Variants in DRC1 observed in about 807,000 individuals in gnomAD.
The protein encoded by DRC1 is dynein regulatory complex subunit 1, also known as dynein regulatory complex protein 1.
A neutral mutation model predicts 98.7 loss-of-function variants in DRC1; 74 were observed. That is an observed-to-expected ratio of 0.75 (90% CI 0.62 to 0.91). The LOEUF is 0.91. DRC1 is among the 40% of genes least tolerant of loss of function. DRC1 has a pLI of 0.00. For synonymous variants in DRC1, 336 were observed against 334.1 expected, an observed-to-expected ratio of 1.01 and a Z score of -0.06; for missense variants, 875 against 886.0, an observed-to-expected ratio of 0.99 and a Z score of 0.16.
rs933026039 is a variant in DRC1, at chr2:26,453,502, T to G, written c.1872T>G (p.Asp624Glu). The change falls in exon 14 of 17, where the codon GAT (aspartate) becomes GAG (glutamate). Residue 624 changes from aspartate to glutamate, a missense_variant. By Grantham distance (45) the Asp-to-Glu change is conservative (BLOSUM62 2). Coordinates refer to ENST00000288710, the MANE Select transcript of DRC1 (RefSeq NM_145038.5). ...PPSPWVIHPN[D>E]VLKILEAFVM... The stretch of plus-strand genomic sequence containing the variant: ...CCCCCTGGGTCATCCACCCCAATGA[T>G]GTCCTCAAGATTCTGGAGGCCTTCG... 6.2e-7 allele frequency: 1 copy of G among 1,614,062 alleles called. No individual in the cohort carries two copies. Among genetic ancestry groups the G allele is most frequent in the Non-Finnish European group, 8.5e-7 (1 of 1,180,042 alleles).
At chr2:26,455,437 T>C (rs1325181270) in intron 16 of DRC1, among the ~76,000 whole-genome samples, 1 of 152,182 alleles carries the variant, frequency 6.6e-6, no homozygotes, top group Non-Finnish European at 1.5e-5. Context: ...CCAGGACAGC[T>C]CAGGTGTGAC....
chr2:26,448,358 T>A (rs1663912393), intron 10 of DRC1: 1 of 519,790 alleles, frequency 1.9e-6, no homozygotes, highest in Admixed American at 2.3e-5. Context: ...GAAATAAGAA[T>A]AAATGGGCTC....
At chr2:26,446,542 A>G (rs1465205856) in intron 10 of DRC1, among the ~76,000 whole-genome samples, 2 of 152,104 alleles carry the variant, frequency 1.3e-5, no homozygotes, top group Admixed American at 1.3e-4. Context: ...ATACCTCCTC[A>G]TCAACAGGAT....
chr2:26,432,243 T>C (rs1663455107), intron 7 of DRC1, among the ~76,000 whole-genome samples: 1 of 152,140 alleles, frequency 6.6e-6, no homozygotes, highest in South Asian at 2.1e-4. Context: ...ACACTTGTAA[T>C]CCCAGCACTT....
intron 7 of DRC1, among the ~76,000 whole-genome samples, chr2:26,438,721 C>G (rs1228948531): frequency 6.6e-6 from 1 of 152,162 alleles, no homozygotes; most frequent in Non-Finnish European, 1.5e-5. Flanking sequence ...AGGGGCCCTC[C>G]TCGAGTATGA....
In DRC1 at chr2:26,453,359, A is replaced by G. The variant is rs964653441; in HGVS notation, c.1729A>G (p.Met577Val). 11 of 1,614,088 alleles carry G rather than the reference A, an allele frequency of 6.8e-6. No homozygotes were observed. The highest frequency in any genetic ancestry group is 5.3e-5 in the African/African-American group (4 of 74,936). ...TCAGGCGAGCATGGAGAAGGCGAGC[A>G]TGGAGGAGACAAGCACGAGGTCAGA... ...CSQASMEKAS[M>V]EETSTRSELE... The change falls in exon 14 of 17, where the codon ATG becomes GTG. Residue 577 changes from methionine to valine, a missense_variant. Coordinates refer to ENST00000288710, the MANE Select transcript of DRC1 (RefSeq NM_145038.5).
At chr2:26,403,477 TA>T (rs1558430402) in intron 1 of DRC1, among the ~76,000 whole-genome samples, 1 of 152,200 alleles carries the variant, frequency 6.6e-6, no homozygotes, top group Non-Finnish European at 1.5e-5. Flanking sequence ...TTTAGAATTG[TA>T]AAAATCATTT....
chr2:26,454,510 C>A lies in DRC1; in HGVS notation c.1920-137C>A. ...AATAAGCATGCGTCCTTTCTGAGAA[C>A]CTGCCACCGTCTAATAAACTTGGAC... On this transcript the variant is annotated intron_variant, in intron 14 of 16. Transcript: ENST00000288710. The surrounding 1 kb of genome is among the most constrained non-coding windows in gnomAD (Gnocchi z 5.2). 1.6e-6 allele frequency: 2 copies of A among 1,285,424 alleles called. No individual in the cohort carries two copies. Among genetic ancestry groups the A allele is most frequent in the Middle Eastern group, 2.3e-4 (1 of 4,368 alleles). 79.6% of individuals were successfully genotyped at this position (1,285,424 alleles called of 1,614,324 possible).
intron 3 of DRC1, among the ~76,000 whole-genome samples, chr2:26,423,958 A>G (rs1161938337): frequency 1.3e-5 from 2 of 152,178 alleles, no homozygotes; most frequent in African/African-American, 4.8e-5. Flanking sequence ...GTGTGTTATC[A>G]TCTTACTCAG....
At chr2:26,428,521 G>A (rs1405189427) in intron 4 of DRC1, among the ~76,000 whole-genome samples, 3 of 152,154 alleles carry the variant, frequency 2.0e-5, no homozygotes, top group East Asian at 3.8e-4. Context: ...TATTATGGCC[G>A]GGCACGGTGG....
intron 4 of DRC1, among the ~76,000 whole-genome samples, chr2:26,429,207 A>G (rs1663365640): frequency 6.8e-6 from 1 of 146,496 alleles, no homozygotes; most frequent in Admixed American, 6.9e-5. Flanking sequence ...TATTATTATT[A>G]TTATTATTAT....
intron 1 of DRC1, among the ~76,000 whole-genome samples, chr2:26,408,421 C>A (rs1446644452): frequency 1.3e-5 from 2 of 152,108 alleles, no homozygotes; most frequent in Non-Finnish European, 2.9e-5. Context: ...ATATTCCAGG[C>A]AGGAGGCTGG....
At chr2:26,408,207 A>G (rs755437092) in intron 1 of DRC1, among the ~76,000 whole-genome samples, 2 of 152,236 alleles carry the variant, frequency 1.3e-5, no homozygotes, top group Non-Finnish European at 2.9e-5. Flanking sequence ...GTAGATGCCT[A>G]GAACCTTTCT....
At chr2:26,450,490 C>A (rs1572385311) in intron 12 of DRC1, 102 bp from the exon 13 acceptor site, 2 of 1,063,110 alleles carry the variant, frequency 1.9e-6, no homozygotes, top group East Asian at 2.5e-5. Flanking sequence ...ATGCCCTCCA[C>A]AAGCCAAGCC....
At chr2:26,415,226 T>C (rs1180519177) in intron 2 of DRC1, among the ~76,000 whole-genome samples, 2 of 152,108 alleles carry the variant, frequency 1.3e-5, no homozygotes, top group Admixed American at 6.5e-5. Flanking sequence ...AAACAGCAGC[T>C]CAAAACAGCA....
At chr2:26,448,583 A>T in intron 10 of DRC1, 108 bp from the exon 11 acceptor site, 1 of 1,136,646 alleles carries the variant, frequency 8.8e-7, no homozygotes, top group African/African-American at 1.5e-5. Context: ...GAGGCTTTTT[A>T]AGAGGTACAT....
At chr2:26,438,422 A>G (rs1260958533) in intron 7 of DRC1, among the ~76,000 whole-genome samples, 1 of 152,242 alleles carries the variant, frequency 6.6e-6, no homozygotes, top group Non-Finnish European at 1.5e-5. Flanking sequence ...AACTAGAAAA[A>G]GTAAATAAAA....
rs548209014 is a variant in DRC1 at position 26,439,936 on chromosome 2, T to TATATATATATATAC, written c.889-441_889-440insTATATATATATACA. On this transcript the variant is annotated intron_variant, in intron 7 of 16. Transcript: ENST00000288710. The stretch of plus-strand genomic sequence containing the variant: ...ACTAGTGTGTGAATATATATATATA[T>TATATATATATATAC]ACACACACACATACACACACACACA... Among the ~76,000 whole-genome samples the TATATATATATATAC allele has an allele frequency of 2.9e-3, 222 of 75,478 alleles. 26 individuals carry two copies. Among genetic ancestry groups the TATATATATATATAC allele is most frequent in the Middle Eastern group, 6.6e-3 (1 of 152 alleles). 49.5% of individuals were successfully genotyped at this position (75,478 alleles called of 152,430 possible).
chr2:26,437,712 A>G lies in DRC1; in HGVS notation c.889-2666A>G, dbSNP rs997686788. ...AAAATTATTAAAAGTATATATAACT[A>G]TATATATATACACACACACACACGA... is the stretch of plus-strand genomic sequence containing the variant. On this transcript the variant is annotated intron_variant, in intron 7 of 16. Coordinates refer to ENST00000288710, the MANE Select transcript of DRC1 (RefSeq NM_145038.5). Among the ~76,000 whole-genome samples the G allele has an allele frequency of 7.9e-5, 12 of 151,946 alleles. No individual in the cohort carries two copies. The East Asian group carries it at 9.6e-4, about 12-fold the overall frequency.
Sources: allele counts gnomAD v4.1 joint callset (sites outside exome capture counted in the v4.1 genomes callset), GRCh38; gene constraint gnomAD v4.1.1; non-coding constraint Gnocchi (gnomAD v3.1); transcripts MANE v1.5; gene names NCBI Gene and HGNC (gene_info 2026-07-23, HGNC 2026-07-21).